Variants in FAM20C observed in about 807,000 individuals in gnomAD.
The protein encoded by FAM20C is extracellular serine/threonine protein kinase FAM20C.
In FAM20C, 40 loss-of-function variants were observed where a neutral mutation model predicts 51.5. That is an observed-to-expected ratio of 0.78 (90% CI 0.60 to 1.01). The LOEUF (loss-of-function observed/expected upper bound fraction) is 1.01, where lower values mean the gene tolerates loss of function less well. Ranked by LOEUF, FAM20C falls within the 50% of genes least tolerant of loss-of-function variation. The pLI is 0.00. For synonymous variants in FAM20C, 406 were observed against 380.6 expected (o/e 1.07, Z -0.78); for missense variants, 861 against 844.7 (o/e 1.02, Z -0.24).
intron 5 of FAM20C, among the ~76,000 whole-genome samples, chr7:251,929 C>T (rs1024551214): frequency 2.6e-5 from 4 of 152,182 alleles, no homozygotes; most frequent in African/African-American, 9.7e-5. Context: ...TTGTCAGGCG[C>T]CCCTGAACGC....
chr7:252,384 C>A (rs1157378156), intron 5 of FAM20C, among the ~76,000 whole-genome samples: 1 of 148,274 alleles, frequency 6.7e-6, no homozygotes, highest in Non-Finnish European at 1.5e-5. Flanking sequence ...TGTAGACACC[C>A]CCTCGGCCTT....
chr7:207,682 G>C (rs1055237271), intron 2 of FAM20C, among the ~76,000 whole-genome samples: 4 of 152,236 alleles, frequency 2.6e-5, no homozygotes, highest in African/African-American at 9.6e-5. Context: ...ACCAGTCCCT[G>C]GTGTGGCCCC....
chr7:255,544 A>G (rs975367233), intron 5 of FAM20C, among the ~76,000 whole-genome samples: 1 of 152,174 alleles, frequency 6.6e-6, no homozygotes, highest in African/African-American at 2.4e-5. Context: ...TCTTGACAAT[A>G]TGAATGCATT....
rs553270499 is a variant in FAM20C at position 256,767 on chromosome 7, C to T, written c.1363+4C>T. On this transcript the variant is annotated splice_donor_region_variant and intron_variant, in intron 7 of 9. Coordinates refer to ENST00000313766, the MANE Select transcript of FAM20C (RefSeq NM_020223.4). ...ACGATCTTCGACTTCCTCATGGGTA[C>T]GTCCCGCAGGGGCACGGGGTCCCCG... 4.8e-5 allele frequency: 73 copies of T among 1,535,654 alleles called. No homozygotes were observed. The African/African-American group carries it at 6.1e-4, about 13-fold the overall frequency.
intron 3 of FAM20C, chr7:227,722 C>T (rs1358830560): frequency 1.8e-4 from 27 of 152,150 alleles, no homozygotes; most frequent in Admixed American, 1.7e-3. Flanking sequence ...CTGGATGAGC[C>T]GACAGTAGCG....
intron 3 of FAM20C, among the ~76,000 whole-genome samples, chr7:234,772 GGT>G (rs1787801463): frequency 6.6e-6 from 1 of 152,210 alleles, no homozygotes; most frequent in African/African-American, 2.4e-5. Context: ...TCACGTGGAA[GGT>G]TTGGGACGGA....
chr7:251,498 T>G (rs1788403900), intron 5 of FAM20C, among the ~76,000 whole-genome samples: 1 of 151,268 alleles, frequency 6.6e-6, no homozygotes. Flanking sequence ...CCAGCCTGGG[T>G]GACAGAGTGA....
At chr7:257,138 G>A in intron 8 of FAM20C, 52 bp downstream of exon 8, 2 of 1,497,526 alleles carry the variant, frequency 1.3e-6, no homozygotes, top group African/African-American at 1.4e-5. Context: ...CCACCTCCCA[G>A]CTACCTGCAG....
At chr7:258,012 T>TAGGC (rs1788680896) in intron 8 of FAM20C, among the ~76,000 whole-genome samples, 1 of 36,088 alleles carries the variant, frequency 2.8e-5, no homozygotes, top group African/African-American at 1.4e-4. Context: ...GTGCTGGAGA[T>TAGGC]GGGGCTGGGT....
chr7:247,102 G>C (rs1018132287), intron 4 of FAM20C, among the ~76,000 whole-genome samples: 2 of 152,236 alleles, frequency 1.3e-5, no homozygotes, highest in Non-Finnish European at 1.5e-5. Context: ...TTCTCTGGGA[G>C]ACCAAAGCAG....
chr7:253,532 G>A (rs924121507), intron 5 of FAM20C, among the ~76,000 whole-genome samples: 5 of 152,212 alleles, frequency 3.3e-5, no homozygotes, highest in Admixed American at 6.5e-5. Context: ...AAGGACTCAC[G>A]CTCCTTCCTC....
At chr7:226,162 C>T (rs1029868702) in intron 3 of FAM20C, among the ~76,000 whole-genome samples, 8 of 152,114 alleles carry the variant, frequency 5.3e-5, no homozygotes, top group Non-Finnish European at 1.2e-4. Context: ...GAAGGAGCTG[C>T]ACCTCCCAAA....
At chr7:223,868 C>T (rs116763845) in intron 3 of FAM20C, among the ~76,000 whole-genome samples, 1,852 of 152,318 alleles carry the variant, frequency 0.012, 47 homozygotes, top group African/African-American at 0.042. Flanking sequence ...GGGTCCCCTG[C>T]CCCAGGCATC....
rs931134516 is a variant in FAM20C, at chr7:233,947, G to T, written c.864-12468G>T. 7.2e-5 allele frequency among the ~76,000 whole-genome samples: 11 copies of T among 152,306 alleles called. No individual in the cohort carries two copies. The East Asian group carries it at 9.7e-4, about 13-fold the overall frequency. ...AAGGGGTTTGGGTGTGGCCAGCTCT[G>T]GGGGGAGGGAGAGAAGGATGCACGG... On this transcript the variant is annotated intron_variant, in intron 3 of 9. Coordinates refer to ENST00000313766, the MANE Select transcript of FAM20C (RefSeq NM_020223.4).
chr7:213,140 G>C (rs1416870435), intron 3 of FAM20C, among the ~76,000 whole-genome samples: 11 of 66,282 alleles, frequency 1.7e-4, no homozygotes, highest in African/African-American at 2.6e-4. Context: ...TGAGTGACAT[G>C]GAGGGCTGTG....
chr7:241,766 T>G (rs1230733855), intron 3 of FAM20C, among the ~76,000 whole-genome samples: 2 of 151,796 alleles, frequency 1.3e-5, no homozygotes, highest in Non-Finnish European at 2.9e-5. Context: ...CAGGTGGGTG[T>G]GTGTGCATGA....
intron 2 of FAM20C, among the ~76,000 whole-genome samples, chr7:205,274 G>A (rs1374880552): frequency 5.2e-5 from 7 of 135,200 alleles, no homozygotes; most frequent in Middle Eastern, 3.6e-3. Flanking sequence ...TCAGCCTCCC[G>A]AGTAGCCGGG....
intron 3 of FAM20C, among the ~76,000 whole-genome samples, chr7:230,694 C>T (rs375251856): frequency 6.2e-4 from 94 of 152,250 alleles, no homozygotes; most frequent in African/African-American, 2.2e-3. Context: ...AGGATAGAGC[C>T]TGGCACATGG....
At chr7:209,560 G>A (rs1465503652) in intron 3 of FAM20C, among the ~76,000 whole-genome samples, 1 of 97,592 alleles carries the variant, frequency 1.0e-5, no homozygotes, top group African/African-American at 5.5e-5. Flanking sequence ...AACTGTGTCA[G>A]TCACCAAAAC....
Sources: allele counts gnomAD v4.1 joint callset (sites outside exome capture counted in the v4.1 genomes callset), GRCh38; gene constraint gnomAD v4.1.1; transcripts MANE v1.5; gene names NCBI Gene and HGNC (gene_info 2026-07-23, HGNC 2026-07-21).